The following SPP2 variants were observed in gnomAD, a reference collection of about 807,000 sequenced individuals.
The protein encoded by SPP2 is secreted phosphoprotein 2, also known as secreted phosphoprotein 24.
In SPP2, 34 loss-of-function variants were observed where a neutral mutation model predicts 28.8. The ratio of observed to expected loss-of-function variants is 1.18; its 90% CI spans 0.90 to 1.57. The LOEUF (loss-of-function observed/expected upper bound fraction) is 1.57, where lower values mean the gene tolerates loss of function less well. Ranked by LOEUF, SPP2 falls within the 40% of genes most tolerant of loss-of-function variation. The pLI is 0.00. For missense variants in SPP2, 269 were observed against 263.9 expected (o/e 1.02, Z -0.13); for synonymous variants, 96 against 89.4 (o/e 1.07, Z -0.42).
chr2:234,065,663 C>A lies in SPP2; in HGVS notation c.445-870C>A, dbSNP rs144877250. Among the ~76,000 whole-genome samples, 90 of 152,258 alleles carry A rather than the reference C, an allele frequency of 5.9e-4. 3 individuals are homozygous for A. The East Asian group carries it at 0.015, about 25-fold the overall frequency. On this transcript the variant is annotated intron_variant, in intron 4 of 7. Transcript: ENST00000168148. ...CTTTGAAGAAATGTCTATTCAAATC[C>A]TTGCCTATGATTTAATTGCACTATT...
intron 3 of SPP2, among the ~76,000 whole-genome samples, chr2:234,059,936 A>G (rs1263920588): frequency 6.6e-6 from 1 of 152,066 alleles, no homozygotes; most frequent in Non-Finnish European, 1.5e-5. Flanking sequence ...AGGATGTTTG[A>G]TTTGTTATTT....
chr2:234,072,065 C>G (rs1690800996), intron 7 of SPP2, among the ~76,000 whole-genome samples: 1 of 152,056 alleles, frequency 6.6e-6, no homozygotes, highest in Admixed American at 6.5e-5. Flanking sequence ...CCAGCACACT[C>G]AATAAATAGC....
intron 2 of SPP2, among the ~76,000 whole-genome samples, chr2:234,056,921 T>C (rs951129309): frequency 1.3e-5 from 2 of 151,984 alleles, no homozygotes; most frequent in African/African-American, 2.4e-5. Flanking sequence ...CAAAACAAAA[T>C]GTTCTGCATG....
At chr2:234,064,952 C>T (rs1172206127) in intron 4 of SPP2, among the ~76,000 whole-genome samples, 4 of 152,126 alleles carry the variant, frequency 2.6e-5, no homozygotes, top group East Asian at 3.8e-4. Context: ...ATTCATTGAT[C>T]GACATTTTGC....
At chr2:234,055,238 G>A (rs1440632770) in intron 2 of SPP2, among the ~76,000 whole-genome samples, 1 of 152,244 alleles carries the variant, frequency 6.6e-6, no homozygotes, top group Non-Finnish European at 1.5e-5. Context: ...AAGAAAATCT[G>A]ATGAGGTAGG....
intron 3 of SPP2, among the ~76,000 whole-genome samples, chr2:234,059,666 T>C (rs1462389429): frequency 6.6e-6 from 1 of 152,138 alleles, no homozygotes; most frequent in African/African-American, 2.4e-5. Flanking sequence ...TTACATACTG[T>C]AGGGAATTTG....
chr2:234,056,396 C>G (rs1693608439), intron 2 of SPP2: 1 of 152,210 alleles, frequency 6.6e-6, no homozygotes, highest in East Asian at 1.9e-4. Flanking sequence ...AGCATTTAGG[C>G]TGTCCCACAT....
chr2:234,062,017 C>A (rs3819748), intron 4 of SPP2, among the ~76,000 whole-genome samples: 42,351 of 152,134 alleles, frequency 0.28, 6,059 homozygotes, highest in South Asian at 0.48. Context: ...ACTGTGGCCC[C>A]GCTAACCAGA....
chr2:234,071,090 C>T (rs1690769769), intron 7 of SPP2, among the ~76,000 whole-genome samples: 1 of 152,148 alleles, frequency 6.6e-6, no homozygotes, highest in South Asian at 2.1e-4. Flanking sequence ...GACTCCCCTT[C>T]ATCCTTCATC....
At chr2:234,075,549 G>C (rs11563191) in intron 7 of SPP2, among the ~76,000 whole-genome samples, 16,310 of 152,060 alleles carry the variant, frequency 0.11, 1,208 homozygotes, top group East Asian at 0.29. Flanking sequence ...CTGAGATTTG[G>C]TCCCCTCTCA....
Position 234,072,438 on chromosome 2 carries a change from A to C in SPP2, c.*10+2415A>C, listed in dbSNP as rs1690810492. The stretch of plus-strand genomic sequence containing the variant: ...ACATCATGGGTTATGGGCAGGGAGA[A>C]TAGAGTTCTCAATGGATTGGCTGTA... On this transcript the variant is annotated intron_variant, in intron 7 of 7. Coordinates refer to ENST00000168148, the MANE Select transcript of SPP2 (RefSeq NM_006944.3). Among the ~76,000 whole-genome samples, 7 of 152,204 alleles carry C rather than the reference A, an allele frequency of 4.6e-5. 1 individual carries two copies. In the South Asian group the frequency reaches 1.5e-3, roughly 32 times the overall value.
chr2:234,051,461 A>T (rs1693496955), intron 2 of SPP2, among the ~76,000 whole-genome samples: 1 of 152,092 alleles, frequency 6.6e-6, no homozygotes, highest in Non-Finnish European at 1.5e-5. Context: ...TGCTCCTAAT[A>T]CTTACTGGAA....
intron 2 of SPP2, among the ~76,000 whole-genome samples, chr2:234,055,901 G>T (rs934249509): frequency 2.6e-5 from 4 of 151,464 alleles, no homozygotes; most frequent in Admixed American, 6.6e-5. Context: ...GAGTATCTTG[G>T]TAAGTTTTTT....
chr2:234,063,225 A>G (rs991670058), intron 4 of SPP2, among the ~76,000 whole-genome samples: 1 of 152,146 alleles, frequency 6.6e-6, no homozygotes, highest in Admixed American at 6.5e-5. Context: ...TCATAGAACA[A>G]ATAAATTATT....
At chr2:234,074,974 C>T (rs28903710) in intron 7 of SPP2, among the ~76,000 whole-genome samples, 35,068 of 137,106 alleles carry the variant, frequency 0.26, 4,930 homozygotes, top group South Asian at 0.43. Context: ...TAAACAGTGA[C>T]GTCATCAACA....
intron 2 of SPP2, among the ~76,000 whole-genome samples, chr2:234,056,613 T>C (rs1693612143): frequency 6.6e-6 from 1 of 152,226 alleles, no homozygotes; most frequent in African/African-American, 2.4e-5. Flanking sequence ...TGTTGCCAGT[T>C]GCTTCCATCA....
At chr2:234,074,625 A>C (rs1358179771) in intron 7 of SPP2, among the ~76,000 whole-genome samples, 1 of 152,212 alleles carries the variant, frequency 6.6e-6, no homozygotes, top group African/African-American at 2.4e-5. Context: ...GTTGGTTCTT[A>C]TTATCTGAGG....
chr2:234,069,330 C>T (rs1327005778), intron 6 of SPP2, among the ~76,000 whole-genome samples: 1 of 152,070 alleles, frequency 6.6e-6, no homozygotes, highest in Admixed American at 6.5e-5. Context: ...CCAATCCTGC[C>T]CCAATGTGGG....
intron 3 of SPP2, 95 bp from the exon 4 acceptor site, chr2:234,060,274 G>T: frequency 1.2e-6 from 1 of 846,536 alleles, no homozygotes. Context: ...TTGTCATTTC[G>T]TCAAACCTGA....
Sources: gnomAD v4.1 joint callset for allele counts (sites outside exome capture counted in the v4.1 genomes callset) on GRCh38, gnomAD v4.1.1 for gene constraint, MANE v1.5 for transcripts, NCBI Gene and HGNC (gene_info 2026-07-23, HGNC 2026-07-21) for gene names.